RUNX1: variants seen among roughly 807,000 people sequenced by gnomAD.
The protein encoded by RUNX1 is RUNX family transcription factor 1, also known as runt-related transcription factor 1.
In RUNX1, 19 loss-of-function variants were observed where a neutral mutation model predicts 42.8. That is an observed-to-expected ratio of 0.44 (90% CI 0.31 to 0.65). The LOEUF (loss-of-function observed/expected upper bound fraction) is 0.65, where lower values mean the gene tolerates loss of function less well. RUNX1 is among the 30% of genes least tolerant of loss of function. The probability of loss-of-function intolerance (pLI) is 0.07; values close to 1 mark genes in which losing one functional copy is unlikely to be tolerated. For synonymous variants in RUNX1, 271 were observed against 289.4 expected (o/e 0.94, Z 0.64); for missense variants, 528 against 672.0 (o/e 0.79, Z 2.37).
In RUNX1 at chr21:34,788,118, GAA is replaced by G; in HGVS notation, c.*4015_*4016del. ...CACCAGCTTGACAGTTCCCCTTTAA[GAA>G]GCATTCCATACGTTTGTACCAGGGA... On this transcript the variant is annotated 3_prime_UTR_variant, in exon 9 of 9. Coordinates refer to ENST00000675419, the MANE Select transcript of RUNX1 (RefSeq NM_001754.5). 4.3e-6 allele frequency: 1 copy of G among 233,308 alleles called. No homozygotes were observed. The highest frequency in any genetic ancestry group is 8.5e-6 in the Non-Finnish European group (1 of 118,062). 14.5% of individuals were successfully genotyped at this position (233,308 alleles called of 1,614,324 possible). A position where few individuals can be genotyped will look rare whatever the true frequency, so the allele number is the denominator to read the frequency against.
chr21:34,818,641 C>T (rs922203399), intron 7 of RUNX1, among the ~76,000 whole-genome samples: 83 of 152,216 alleles, frequency 5.5e-4, no homozygotes, highest in African/African-American at 2.0e-3. Context: ...CACCAGCCCT[C>T]CAGTAATACC....
chr21:34,815,162 G>A (rs1399039270), intron 7 of RUNX1, among the ~76,000 whole-genome samples: 2 of 152,194 alleles, frequency 1.3e-5, no homozygotes, highest in African/African-American at 4.8e-5. Context: ...AGGAACAGAG[G>A]TGGAGGGAAG....
At chr21:34,977,600 G>C (rs2058812551) in intron 2 of RUNX1, among the ~76,000 whole-genome samples, 1 of 152,188 alleles carries the variant, frequency 6.6e-6, no homozygotes, top group African/African-American at 2.4e-5. Context: ...ACTTTAAACT[G>C]TCATTACAAC....
intron 2 of RUNX1, among the ~76,000 whole-genome samples, chr21:35,004,376 C>T (rs1457985352): frequency 6.6e-6 from 1 of 152,164 alleles, no homozygotes; most frequent in Admixed American, 6.5e-5. Flanking sequence ...TTAACAAGAC[C>T]TCAATTGCTT....
intron 5 of RUNX1, among the ~76,000 whole-genome samples, chr21:34,875,737 T>C (rs973083075): frequency 6.6e-6 from 1 of 152,194 alleles, no homozygotes; most frequent in Non-Finnish European, 1.5e-5. Flanking sequence ...TAACAACCGC[T>C]ACATAAAGCC....
intron 5 of RUNX1, among the ~76,000 whole-genome samples, chr21:34,863,704 A>G (rs761004903): frequency 8.6e-5 from 13 of 151,778 alleles, no homozygotes; most frequent in African/African-American, 1.2e-4. Context: ...ACATGTGCAT[A>G]CCACCACACC....
At chr21:35,028,403 G>A (rs1426290971) in intron 2 of RUNX1, among the ~76,000 whole-genome samples, 1 of 152,200 alleles carries the variant, frequency 6.6e-6, no homozygotes, top group Non-Finnish European at 1.5e-5. Flanking sequence ...GCTGTTCACA[G>A]GCGAGCCTCA....
intron 6 of RUNX1, among the ~76,000 whole-genome samples, chr21:34,847,100 G>C (rs1045147209): frequency 6.6e-6 from 1 of 152,170 alleles, no homozygotes; most frequent in African/African-American, 2.4e-5. Flanking sequence ...CAAGCCTTCT[G>C]GTTCTGTGAG....
chr21:35,044,916 G>C (rs554481633), intron 2 of RUNX1, among the ~76,000 whole-genome samples: 40 of 152,296 alleles, frequency 2.6e-4, no homozygotes, highest in South Asian at 8.3e-4. Context: ...TGTTTCCAAA[G>C]GTGCTTCTGC....
chr21:35,022,657 G>C (rs1239430596), intron 2 of RUNX1, among the ~76,000 whole-genome samples: 2 of 152,148 alleles, frequency 1.3e-5, no homozygotes, highest in South Asian at 4.1e-4. Context: ...CACTTTGGGA[G>C]GCTGAGGCGG....
chr21:34,856,176 C>T (rs549778255), intron 6 of RUNX1: 150 of 361,228 alleles, frequency 4.2e-4, no homozygotes, highest in Middle Eastern at 1.1e-3. Flanking sequence ...GAAAAACAGA[C>T]GAGCTGTGGC....
intron 2 of RUNX1, among the ~76,000 whole-genome samples, chr21:34,997,348 A>G (rs894042633): frequency 6.6e-6 from 1 of 152,190 alleles, no homozygotes; most frequent in African/African-American, 2.4e-5. Context: ...AAAAAAAAAT[A>G]GGCCTCTTAT....
chr21:34,881,885 T>A (rs1225425941), intron 4 of RUNX1, among the ~76,000 whole-genome samples: 2 of 152,218 alleles, frequency 1.3e-5, no homozygotes, highest in Admixed American at 1.3e-4. Context: ...TTTGTTTCTA[T>A]TTTTCAAAGC....
At position 35,010,346 on chromosome 21, in the gene RUNX1, T is replaced by A. The variant is rs182103432; in HGVS notation, c.58+38496A>T. Among the ~76,000 whole-genome samples, 163 of 151,768 alleles carry A rather than the reference T, an allele frequency of 1.1e-3. 1 individual carries two copies. The highest frequency in any genetic ancestry group is 3.5e-3 in the South Asian group (17 of 4,814). On this transcript the variant is annotated intron_variant, in intron 2 of 8. Coordinates refer to ENST00000675419, the MANE Select transcript of RUNX1 (RefSeq NM_001754.5). ...AATCCATCAATTACACTCCTTTTTT[T>A]AAAAAAAAATCTGGTCTTCTGCCTT...
intron 7 of RUNX1, among the ~76,000 whole-genome samples, chr21:34,813,163 G>T (rs1403480291): frequency 6.6e-6 from 1 of 152,112 alleles, no homozygotes; most frequent in Non-Finnish European, 1.5e-5. Flanking sequence ...CTGAGGAAGG[G>T]GGAGTGCTAC....
chr21:34,855,310 T>G (rs1481261159), intron 6 of RUNX1, among the ~76,000 whole-genome samples: 1 of 152,190 alleles, frequency 6.6e-6, no homozygotes, highest in Admixed American at 6.5e-5. Flanking sequence ...AGAAGATGCT[T>G]TGGGATCTCA....
chr21:34,890,884 C>G (rs1426695426), intron 3 of RUNX1, among the ~76,000 whole-genome samples: 1 of 152,092 alleles, frequency 6.6e-6, no homozygotes, highest in Non-Finnish European at 1.5e-5. Flanking sequence ...ACCTTTTCGC[C>G]TGGTCTCCAA....
chr21:34,805,721 G>T (rs931931763), intron 7 of RUNX1, among the ~76,000 whole-genome samples: 1 of 152,052 alleles, frequency 6.6e-6, no homozygotes, highest in Non-Finnish European at 1.5e-5. Context: ...ATGTCAAAAA[G>T]AACTGCATAA....
intron 2 of RUNX1, among the ~76,000 whole-genome samples, chr21:35,024,355 C>T (rs1857556119): frequency 6.6e-6 from 1 of 152,176 alleles, no homozygotes; most frequent in Non-Finnish European, 1.5e-5. Context: ...AGATGCCATG[C>T]CAATCTACTG....
Sources: gnomAD v4.1 joint callset for allele counts (sites outside exome capture counted in the v4.1 genomes callset) on GRCh38, gnomAD v4.1.1 for gene constraint, MANE v1.5 for transcripts, NCBI Gene and HGNC (gene_info 2026-07-23, HGNC 2026-07-21) for gene names.